Variants in LRRC37A3 observed in about 807,000 individuals in gnomAD.
The protein encoded by LRRC37A3 is leucine-rich repeat-containing protein 37A3.
In LRRC37A3, 25 loss-of-function variants were observed where a neutral mutation model predicts 106.2. The observed-to-expected ratio is 0.24, with a 90% CI of 0.17 to 0.33. The LOEUF (loss-of-function observed/expected upper bound fraction) is 0.33, where lower values mean the gene tolerates loss of function less well. LRRC37A3 is among the 10% of genes least tolerant of loss of function. LRRC37A3 has a pLI of 1.00. For synonymous variants in LRRC37A3, 305 were observed against 635.8 expected (o/e 0.48, Z 7.83); for missense variants, 712 against 1,644.9 (o/e 0.43, Z 9.81).
intron 8 of LRRC37A3, among the ~76,000 whole-genome samples, chr17:64,873,358 C>T (rs1021417597): frequency 9.2e-5 from 14 of 151,784 alleles, no homozygotes; most frequent in South Asian, 2.1e-4. Context: ...TGGGGTCTTG[C>T]GAAGTTACCC....
chr17:64,865,551 C>T (rs1311503441), intron 10 of LRRC37A3, among the ~76,000 whole-genome samples: 3 of 152,188 alleles, frequency 2.0e-5, no homozygotes, highest in Admixed American at 6.5e-5. Flanking sequence ...ACCTGTATAA[C>T]TTTCATCTGG....
At chr17:64,878,799 TGCCA>T (rs1337208677) in intron 8 of LRRC37A3, among the ~76,000 whole-genome samples, 4 of 152,202 alleles carry the variant, frequency 2.6e-5, no homozygotes, top group Non-Finnish European at 4.4e-5. Flanking sequence ...ACATAAGAGT[TGCCA>T]TATGATCTAG....
In LRRC37A3 at chr17:64,860,056, C is replaced by A; in HGVS notation, c.4090G>T (p.Asp1364Tyr). Residue 1364 changes from aspartate to tyrosine, a missense_variant, in exon 12 of 15, where the codon GAC (aspartate) becomes TAC (tyrosine). Transcript: ENST00000584306. Reference protein sequence around the residue: ...PSQGAFSSLRDLSPQENPFLE... With the variant: ...PSQGAFSSLRYLSPQENPFLE... The stretch of plus-strand genomic sequence containing the variant: ...AAAGGATTTTCTTGAGGACTCAGGT[C>A]TCTTAAGGATGAAAAAGCCCCTTGT... The A allele has an allele frequency of 3.1e-6, 5 of 1,613,940 alleles. No individual in the cohort carries two copies. Among genetic ancestry groups the A allele is most frequent in the Non-Finnish European group, 4.2e-6 (5 of 1,179,868 alleles).
At chr17:64,915,855 T>C (rs990996185) in intron 2 of LRRC37A3, among the ~76,000 whole-genome samples, 37 of 152,298 alleles carry the variant, frequency 2.4e-4, no homozygotes, top group Non-Finnish European at 3.4e-4. Context: ...CCCAGCACTT[T>C]GGGAGGCCAA....
At chr17:64,888,262 T>G (rs1376099083) in intron 6 of LRRC37A3, among the ~76,000 whole-genome samples, 3 of 148,664 alleles carry the variant, frequency 2.0e-5, no homozygotes, top group African/African-American at 7.6e-5. Context: ...CAATGGCCCT[T>G]TAAAGTCCTA....
Position 64,869,132 on chromosome 17 carries a change from C to A in LRRC37A3, c.2941G>T (p.Asp981Tyr), listed in dbSNP as rs1167683297. Residue 981 changes from aspartate to tyrosine, a missense_variant, in exon 9 of 15, where the codon GAT becomes TAT. Coordinates refer to ENST00000584306, the MANE Select transcript of LRRC37A3 (RefSeq NM_199340.5). ...GCTGGCAATTTAAAGAGATATGGAT[C>A]TTCAACAGTTGTCAGAGGATTGTGA... is the stretch of plus-strand genomic sequence containing the variant. The part of the protein sequence containing the change: ...LNHNPLTTVE[D>Y]PYLFKLPALK... 3.1e-6 allele frequency: 5 copies of A among 1,612,866 alleles called. No homozygotes were observed. In the Admixed American group the frequency reaches 8.4e-5, roughly 27 times the overall value.
chr17:64,918,185 AT>A (rs1333577856), intron 2 of LRRC37A3, among the ~76,000 whole-genome samples: 6 of 151,716 alleles, frequency 4.0e-5, no homozygotes, highest in East Asian at 1.9e-4. Flanking sequence ...GCCATATCTG[AT>A]TTAAAAAAAA....
chr17:64,865,475 A>C (rs1294871721), intron 10 of LRRC37A3, among the ~76,000 whole-genome samples: 1 of 152,196 alleles, frequency 6.6e-6, no homozygotes, highest in African/African-American at 2.4e-5. Flanking sequence ...TTTTATTTTA[A>C]ACATTTTCTT....
At chr17:64,859,020 C>A in intron 12 of LRRC37A3, 137 bp from the exon 13 acceptor site, 2 of 691,580 alleles carry the variant, frequency 2.9e-6, no homozygotes, top group Non-Finnish European at 2.5e-6. Flanking sequence ...GTGGTGCAAT[C>A]ACCATTCACT....
intron 13 of LRRC37A3, 50 bp from the exon 14 acceptor site, chr17:64,855,939 T>C (rs1972663853): frequency 1.2e-6 from 2 of 1,610,862 alleles, no homozygotes; most frequent in East Asian, 4.5e-5. Context: ...ACAACCACCA[T>C]CTCCAAATCT....
At chr17:64,912,995 AT>A (rs1974623557) in intron 2 of LRRC37A3, among the ~76,000 whole-genome samples, 1 of 150,754 alleles carries the variant, frequency 6.6e-6, no homozygotes. Context: ...TACTACTAAT[AT>A]AAAACACTAA....
intron 8 of LRRC37A3, among the ~76,000 whole-genome samples, chr17:64,872,131 C>CA (rs1225535618): frequency 0.016 from 360 of 22,478 alleles, 9 homozygotes; most frequent in African/African-American, 0.032. Flanking sequence ...GACTCTGTCT[C>CA]AAAAAAAAAA....
chr17:64,919,087 G>GCCACCTCAGCCTGGGCGGCGGC (rs1974771589), intron 1 of LRRC37A3, among the ~76,000 whole-genome samples: 2 of 142,566 alleles, frequency 1.4e-5, no homozygotes, highest in South Asian at 5.0e-4. Flanking sequence ...CGTCTTGGGC[G>GCCACCTCAGCCTGGGCGGCGGC]CCACCTCAGC....
At chr17:64,869,513 T>C (rs1225322698) in intron 8 of LRRC37A3, among the ~76,000 whole-genome samples, 2 of 151,342 alleles carry the variant, frequency 1.3e-5, no homozygotes, top group Non-Finnish European at 2.9e-5. Flanking sequence ...GCAACCTCCA[T>C]AATTCAAGTT....
At chr17:64,916,024 C>T (rs1208029956) in intron 2 of LRRC37A3, among the ~76,000 whole-genome samples, 3 of 152,130 alleles carry the variant, frequency 2.0e-5, no homozygotes, top group African/African-American at 4.8e-5. Flanking sequence ...TCACCTTGAA[C>T]CTGGGGTCGA....
rs550339914 is a variant in LRRC37A3, at chr17:64,877,909, A to ATG, written c.2906+8175_2906+8176dup. 1.2e-3 allele frequency among the ~76,000 whole-genome samples: 186 copies of ATG among 152,236 alleles called. 1 individual carries two copies. Among genetic ancestry groups the ATG allele is most frequent in the African/African-American group, 4.3e-3 (178 of 41,544 alleles). ...GCTGAAACAATTCTACGTGGAAATA[A>ATG]TGTTTTTTTTTTTAAAATGGTGCTG... On this transcript the variant is annotated intron_variant, in intron 8 of 14. Coordinates refer to ENST00000584306, the MANE Select transcript of LRRC37A3 (RefSeq NM_199340.5).
chr17:64,867,844 C>A (rs867717438), intron 10 of LRRC37A3, among the ~76,000 whole-genome samples: 1 of 151,916 alleles, frequency 6.6e-6, no homozygotes, highest in Non-Finnish European at 1.5e-5. Flanking sequence ...GAGGCTGAGG[C>A]AGGCGGATCA....
intron 8 of LRRC37A3, chr17:64,876,948 T>C (rs1973532696): frequency 6.6e-6 from 1 of 152,194 alleles, no homozygotes; most frequent in Non-Finnish European, 1.5e-5. Flanking sequence ...GTATTTCTTA[T>C]GAATGTAGAT....
At chr17:64,864,841 G>T (rs1213807627) in intron 10 of LRRC37A3, among the ~76,000 whole-genome samples, 1 of 151,974 alleles carries the variant, frequency 6.6e-6, no homozygotes, top group African/African-American at 2.4e-5. Flanking sequence ...GAGGTTGTGG[G>T]GGGCCTTTTC....
Sources: allele counts gnomAD v4.1 joint callset (sites outside exome capture counted in the v4.1 genomes callset), GRCh38; gene constraint gnomAD v4.1.1; transcripts MANE v1.5; gene names NCBI Gene and HGNC (gene_info 2026-07-23, HGNC 2026-07-21).